The following GPC6 variants were observed in gnomAD, a reference collection of about 807,000 sequenced individuals.
The protein encoded by GPC6 is glypican-6.
GPC6 carries 14 observed loss-of-function variants against 55.2 expected under a neutral mutation model. The ratio of observed to expected loss-of-function variants is 0.25; its 90% CI spans 0.17 to 0.40. The LOEUF (loss-of-function observed/expected upper bound fraction) is 0.40. Ranked by LOEUF, GPC6 falls within the 10% of genes least tolerant of loss-of-function variation. GPC6 has a pLI of 1.00. For synonymous variants in GPC6, 278 were observed against 259.6 expected (o/e 1.07, Z -0.68); for missense variants, 641 against 708.5 (o/e 0.90, Z 1.08).
intron 2 of GPC6, among the ~76,000 whole-genome samples, chr13:93,632,970 A>G (rs17189124): frequency 0.018 from 2,783 of 152,280 alleles, 33 homozygotes; most frequent in Middle Eastern, 0.034. Flanking sequence ...AAGTAGGGAC[A>G]CATTTTCTGG....
chr13:93,413,363 G>C (rs1207437557), intron 1 of GPC6, among the ~76,000 whole-genome samples: 2 of 152,032 alleles, frequency 1.3e-5, no homozygotes, highest in African/African-American at 4.8e-5. Flanking sequence ...CTATTTACAT[G>C]ACTGTGTATA....
chr13:93,527,797 G>A (rs74108585), intron 1 of GPC6, among the ~76,000 whole-genome samples: 8,804 of 152,088 alleles, frequency 0.058, 834 homozygotes, highest in African/African-American at 0.2. Flanking sequence ...TGGGAATTAA[G>A]GTAATTATTA....
intron 4 of GPC6, among the ~76,000 whole-genome samples, chr13:94,182,594 G>GT (rs923783753): frequency 2.0e-5 from 3 of 151,894 alleles, no homozygotes; most frequent in African/African-American, 4.8e-5. Context: ...GCTGTGTAAT[G>GT]TTTTTTTTCC....
chr13:93,498,281 G>C (rs1298785723), intron 1 of GPC6, among the ~76,000 whole-genome samples: 1 of 152,088 alleles, frequency 6.6e-6, no homozygotes, highest in East Asian at 1.9e-4. Flanking sequence ...TAGTCACTTG[G>C]GCTGCTTTTG....
chr13:93,555,233 C>T (rs1875393899), intron 2 of GPC6, among the ~76,000 whole-genome samples: 1 of 152,152 alleles, frequency 6.6e-6, no homozygotes, highest in Admixed American at 6.6e-5. Context: ...GACATTTTAT[C>T]ATTTTCACTT....
chr13:93,824,586 A>C (rs1399502730), intron 2 of GPC6, among the ~76,000 whole-genome samples: 1 of 152,104 alleles, frequency 6.6e-6, no homozygotes, highest in Admixed American at 6.5e-5. Context: ...ATTGATAGCC[A>C]ACTTTTTTTT....
At chr13:93,916,923 G>A (rs957961316) in intron 3 of GPC6, among the ~76,000 whole-genome samples, 1 of 152,092 alleles carries the variant, frequency 6.6e-6, no homozygotes, top group African/African-American at 2.4e-5. Context: ...GATTTTGAAG[G>A]TATTTCCATC....
intron 1 of GPC6, among the ~76,000 whole-genome samples, chr13:93,259,039 T>C (rs781079160): frequency 7.2e-5 from 11 of 152,146 alleles, no homozygotes; most frequent in Non-Finnish European, 1.6e-4. Flanking sequence ...TGAATGCAAA[T>C]GAGTACAAAG....
chr13:93,731,865 CTAA>C (rs1883834694), intron 2 of GPC6, among the ~76,000 whole-genome samples: 1 of 151,842 alleles, frequency 6.6e-6, no homozygotes, highest in Middle Eastern at 3.2e-3. Context: ...GAAAATCTAA[CTAA>C]TTTGAGAAAA....
At chr13:93,827,004 T>G (rs776027141) in intron 2 of GPC6, among the ~76,000 whole-genome samples, 3 of 152,198 alleles carry the variant, frequency 2.0e-5, no homozygotes, top group Non-Finnish European at 4.4e-5. Context: ...TAATGCTGGC[T>G]AGGAAAGGTT....
chr13:94,057,283 T>C (rs1434575810), intron 4 of GPC6, among the ~76,000 whole-genome samples: 1 of 152,194 alleles, frequency 6.6e-6, no homozygotes, highest in Non-Finnish European at 1.5e-5. Flanking sequence ...TGTAATCTTA[T>C]CATATGCAGA....
intron 4 of GPC6, among the ~76,000 whole-genome samples, chr13:94,146,060 G>A (rs911502462): frequency 6.6e-6 from 1 of 152,150 alleles, no homozygotes; most frequent in African/African-American, 2.4e-5. Flanking sequence ...ATTCAAAACT[G>A]CGTAAACTTA....
chr13:94,027,559 G>A (rs1015930175), intron 3 of GPC6, among the ~76,000 whole-genome samples, 170 bp from the exon 4 acceptor site: 1 of 151,966 alleles, frequency 6.6e-6, no homozygotes, highest in African/African-American at 2.4e-5. Context: ...ATGCAAAAAA[G>A]TTATTACTAT....
intron 1 of GPC6, among the ~76,000 whole-genome samples, chr13:93,233,609 C>G (rs1327645833): frequency 1.3e-5 from 2 of 152,146 alleles, no homozygotes; most frequent in Non-Finnish European, 2.9e-5. Flanking sequence ...ACTAAGGACA[C>G]CTGGCACTGT....
In GPC6 at chr13:93,722,834, C is replaced by G. The variant is rs539624475; in HGVS notation, c.320-107320C>G. On this transcript the variant is annotated intron_variant, in intron 2 of 8. Coordinates refer to ENST00000377047, the MANE Select transcript of GPC6 (RefSeq NM_005708.5). Reference sequence around the variant, plus strand: ...GGTATTCCTCGACTTGTAGACACATCGCTCCAATCTCTGCCTCCATCATTG... The same window carrying G: ...GGTATTCCTCGACTTGTAGACACATGGCTCCAATCTCTGCCTCCATCATTG... Among the ~76,000 whole-genome samples, 5 of 151,946 alleles carry G rather than the reference C, an allele frequency of 3.3e-5. No homozygotes were observed. In the East Asian group the frequency reaches 9.8e-4, roughly 30 times the overall value.
chr13:93,394,790 G>A (rs964940713), intron 1 of GPC6, among the ~76,000 whole-genome samples: 5 of 143,988 alleles, frequency 3.5e-5, no homozygotes, highest in Non-Finnish European at 6.1e-5. Flanking sequence ...GTGGTATTAG[G>A]TAATTTTATT....
chr13:93,231,219 G>C (rs1875990849), intron 1 of GPC6, among the ~76,000 whole-genome samples: 1 of 149,402 alleles, frequency 6.7e-6, no homozygotes. Context: ...CTGACTCCAG[G>C]GTCTATATAC....
chr13:94,148,220 G>A (rs1190888282), intron 4 of GPC6, among the ~76,000 whole-genome samples: 1 of 152,160 alleles, frequency 6.6e-6, no homozygotes, highest in Non-Finnish European at 1.5e-5. Context: ...TGTGCCTTCA[G>A]TATCGAGCCT....
At chr13:93,262,350 TC>T (rs953292283) in intron 1 of GPC6, among the ~76,000 whole-genome samples, 31 of 152,302 alleles carry the variant, frequency 2.0e-4, no homozygotes, top group African/African-American at 7.2e-4. Flanking sequence ...AAAGTGTGGA[TC>T]CTTTCACGCC....
Sources: gnomAD v4.1 joint callset for allele counts (sites outside exome capture counted in the v4.1 genomes callset) on GRCh38, gnomAD v4.1.1 for gene constraint, MANE v1.5 for transcripts, NCBI Gene and HGNC (gene_info 2026-07-23, HGNC 2026-07-21) for gene names.